Variants in PDE4D observed in about 807,000 individuals in gnomAD.
PDE4D encodes the protein phosphodiesterase 4D, also known as 3',5'-cyclic-AMP phosphodiesterase 4D.
In PDE4D, 24 loss-of-function variants were observed where a neutral mutation model predicts 87.4. That is an observed-to-expected ratio of 0.27 (90% CI 0.20 to 0.39). PDE4D has a LOEUF of 0.39. Among genes scored for constraint, PDE4D ranks in the 10% least tolerant of loss-of-function variants. The pLI, the probability that PDE4D is intolerant of heterozygous loss-of-function variation, is 1.00. For synonymous variants in PDE4D, 384 were observed against 383.2 expected (o/e 1.00, Z -0.02); for missense variants, 714 against 1,041.0 (o/e 0.69, Z 4.32).
chr5:59,780,417 A>G (rs1309224609), intron 1 of PDE4D, among the ~76,000 whole-genome samples: 3 of 152,226 alleles, frequency 2.0e-5, no homozygotes, highest in Non-Finnish European at 4.4e-5. Context: ...TAGTTGACCA[A>G]GCATTTCCCA....
intron 1 of PDE4D, among the ~76,000 whole-genome samples, chr5:59,626,637 A>G (rs1236931952): frequency 6.6e-6 from 1 of 152,226 alleles, no homozygotes. Context: ...AGACATTAAT[A>G]TTTTAATAGT....
At chr5:59,479,134 G>A in intron 1 of PDE4D, among the ~76,000 whole-genome samples, 1 of 151,984 alleles carries the variant, frequency 6.6e-6, no homozygotes, top group East Asian at 1.9e-4. Context: ...TGATGGTTTG[G>A]GTCCTAGCTT....
intron 5 of PDE4D, among the ~76,000 whole-genome samples, chr5:59,111,838 T>C (rs1432765530): frequency 6.6e-6 from 1 of 152,222 alleles, no homozygotes; most frequent in East Asian, 1.9e-4. Flanking sequence ...CGATAATTCA[T>C]TTATTCAAGA....
intron 1 of PDE4D, among the ~76,000 whole-genome samples, chr5:59,642,533 C>T (rs551185875): frequency 1.3e-5 from 2 of 152,258 alleles, no homozygotes; most frequent in African/African-American, 2.4e-5. Context: ...ATAAGTCTCA[C>T]AAGATCTGAT....
intron 1 of PDE4D, among the ~76,000 whole-genome samples, chr5:59,415,445 A>T (rs1793434698): frequency 6.6e-6 from 1 of 152,218 alleles, no homozygotes; most frequent in African/African-American, 2.4e-5. Context: ...CTAATACGGC[A>T]GCCAATGGCC....
chr5:59,129,351 G>T (rs1452498397), intron 5 of PDE4D, among the ~76,000 whole-genome samples: 2 of 152,066 alleles, frequency 1.3e-5, no homozygotes, highest in African/African-American at 2.4e-5. Context: ...TAATCCTCCT[G>T]CCTTGCCTCC....
At position 59,200,699 on chromosome 5, in the gene PDE4D, G is replaced by A. The variant is rs185400580; in HGVS notation, c.648-7163C>T. ...TACACGTATACATACATATGTGTAT[G>A]TATAGATACACGTATACATACATAT... On this transcript the variant is annotated intron_variant, in intron 2 of 14. Coordinates refer to ENST00000340635, the MANE Select transcript of PDE4D (RefSeq NM_001104631.2). 6.5e-4 allele frequency among the ~76,000 whole-genome samples: 75 copies of A among 115,664 alleles called. 11 individuals carry two copies. The highest frequency in any genetic ancestry group is 2.8e-3 in the African/African-American group (72 of 25,590). 75.9% of individuals were successfully genotyped at this position (115,664 alleles called of 152,430 possible).
Position 60,142,755 on chromosome 5 carries a change from C to T in PDE4D, c.42+42802G>A, listed in dbSNP as rs545278200. 2.0e-5 allele frequency among the ~76,000 whole-genome samples: 3 copies of T among 152,256 alleles called. No homozygotes were observed. In the Middle Eastern group the frequency reaches 0.01, roughly 518 times the overall value. On this transcript the variant is annotated intron_variant, in intron 2 of 16. Transcript: ENST00000502484. ...AAAATTACTGTGGGTAGCAGAGAACCACTGAAGATGAGTGAAAAACATGAT... is the reference window on the plus strand; with the variant it reads ...AAAATTACTGTGGGTAGCAGAGAACTACTGAAGATGAGTGAAAAACATGAT...
intron 1 of PDE4D, among the ~76,000 whole-genome samples, chr5:60,360,817 A>C (rs898840285): frequency 6.6e-6 from 1 of 152,198 alleles, no homozygotes; most frequent in Non-Finnish European, 1.5e-5. Context: ...TAAGTGTCCC[A>C]ACTCAGGAGA....
intron 1 of PDE4D, among the ~76,000 whole-genome samples, chr5:59,672,330 A>AGCATGT (rs1747354726): frequency 6.6e-6 from 1 of 152,194 alleles, no homozygotes. Context: ...AAAACCAACA[A>AGCATGT]GCATGTACCT....
chr5:59,597,974 T>TA (rs539217614), intron 1 of PDE4D, among the ~76,000 whole-genome samples: 2 of 152,154 alleles, frequency 1.3e-5, no homozygotes, highest in South Asian at 2.1e-4. Context: ...ATTCCATTCC[T>TA]AAAAAAATCG....
At chr5:59,649,360 A>C (rs115000499) in intron 1 of PDE4D, among the ~76,000 whole-genome samples, 357 of 152,276 alleles carry the variant, frequency 2.3e-3, no homozygotes, top group African/African-American at 8.1e-3. Flanking sequence ...TTGCATGCAG[A>C]AGTGTGAGCC....
rs117571266 is a variant in PDE4D, at chr5:60,288,750, G to A, written c.-89-103063C>T. Among the ~76,000 whole-genome samples the A allele has an allele frequency of 3.9e-3, 592 of 152,244 alleles. 14 individuals are homozygous for A. The East Asian group carries it at 0.057, about 15-fold the overall frequency. Reference sequence around the variant, plus strand: ...TGAATCATTTATATTTTCTCTAAAAGACATAAAGCATTTTTGTTATTTTCA... The same window carrying A: ...TGAATCATTTATATTTTCTCTAAAAAACATAAAGCATTTTTGTTATTTTCA... On this transcript the variant is annotated intron_variant, in intron 1 of 16. Coordinates refer to the PDE4D transcript ENST00000502484.
Position 60,039,605 on chromosome 5 carries a change from TA to T in PDE4D, c.43-50889del, listed in dbSNP as rs544827886. On this transcript the variant is annotated intron_variant, in intron 2 of 16. Transcript: ENST00000502484. Reference sequence around the variant, plus strand: ...TATAATAATAATAAAAGAAAAAAAATAAAAAAAATAAAAAATATAGATATAT... The same window carrying T: ...TATAATAATAATAAAAGAAAAAAAATAAAAAAATAAAAAATATAGATATAT... Among the ~76,000 whole-genome samples the T allele has an allele frequency of 4.2e-3, 636 of 151,000 alleles. 3 individuals are homozygous for T. Among genetic ancestry groups the T allele is most frequent in the African/African-American group, 0.015 (610 of 41,248 alleles).
At chr5:59,443,703 AGT>A (rs1370806453) in intron 1 of PDE4D, among the ~76,000 whole-genome samples, 2 of 152,322 alleles carry the variant, frequency 1.3e-5, no homozygotes, top group East Asian at 3.9e-4. Flanking sequence ...TATTCAATGA[AGT>A]GTGTTTTTTA....
At chr5:60,371,312 A>C (rs1252456335) in intron 1 of PDE4D, among the ~76,000 whole-genome samples, 1 of 152,240 alleles carries the variant, frequency 6.6e-6, no homozygotes, top group Non-Finnish European at 1.5e-5. Context: ...ACTTTGTCAC[A>C]GCAAGATGCT....
intron 1 of PDE4D, among the ~76,000 whole-genome samples, chr5:60,296,362 C>T (rs1753383050): frequency 6.6e-6 from 1 of 152,116 alleles, no homozygotes; most frequent in Non-Finnish European, 1.5e-5. Context: ...GTCTTCATCT[C>T]CTTTATTTGT....
chr5:60,114,672 G>T (rs889503555), intron 2 of PDE4D, among the ~76,000 whole-genome samples: 7 of 152,002 alleles, frequency 4.6e-5, no homozygotes, highest in Non-Finnish European at 7.4e-5. Context: ...TGCTTTACAT[G>T]AAGTAAAAAT....
intron 1 of PDE4D, among the ~76,000 whole-genome samples, chr5:60,209,214 T>A (rs1742914010): frequency 6.7e-6 from 1 of 148,814 alleles, no homozygotes; most frequent in Non-Finnish European, 1.5e-5. Context: ...TTTTTTAGTG[T>A]TAATGAGCAG....
Sources: gnomAD v4.1 joint callset for allele counts (sites outside exome capture counted in the v4.1 genomes callset) on GRCh38, gnomAD v4.1.1 for gene constraint, MANE v1.5 for transcripts, NCBI Gene and HGNC (gene_info 2026-07-23, HGNC 2026-07-21) for gene names.